CCBE1: variants seen among roughly 807,000 people sequenced by gnomAD.
CCBE1 encodes the protein collagen and calcium binding EGF domains 1.
CCBE1 carries 37 observed loss-of-function variants against 50.0 expected under a neutral mutation model. That is an observed-to-expected ratio of 0.74 (90% CI 0.57 to 0.97). CCBE1 has a LOEUF of 0.97. CCBE1 is among the 50% of genes least tolerant of loss of function. The pLI, the probability that CCBE1 is intolerant of heterozygous loss-of-function variation, is 0.00. For missense variants in CCBE1, 538 were observed against 523.8 expected (o/e 1.03, Z -0.26); for synonymous variants, 234 against 203.7 (o/e 1.15, Z -1.27).
intron 2 of CCBE1, among the ~76,000 whole-genome samples, chr18:59,516,793 C>T (rs1451822397): frequency 6.6e-6 from 1 of 152,190 alleles, no homozygotes; most frequent in African/African-American, 2.4e-5. Context: ...GCGGCCAGAA[C>T]ATCACAGCAA....
chr18:59,597,233 C>T (rs545466974), intron 2 of CCBE1, among the ~76,000 whole-genome samples: 2 of 152,330 alleles, frequency 1.3e-5, no homozygotes, highest in African/African-American at 2.4e-5. Context: ...AATGAAGTAC[C>T]TGTCTCATGA....
chr18:59,663,402 C>T (rs28663389), intron 2 of CCBE1, among the ~76,000 whole-genome samples: 9,358 of 152,136 alleles, frequency 0.062, 505 homozygotes, highest in African/African-American at 0.15. Context: ...TGAGACAGTG[C>T]CAGTGTTTGC....
intron 2 of CCBE1, among the ~76,000 whole-genome samples, chr18:59,526,440 G>A (rs1276631822): frequency 1.3e-5 from 2 of 151,336 alleles, no homozygotes; most frequent in African/African-American, 2.4e-5. Flanking sequence ...CTCCCAAGTA[G>A]CTGGGATTAC....
At chr18:59,465,617 A>G (rs1911704697) in intron 5 of CCBE1, 1 of 152,260 alleles carries the variant, frequency 6.6e-6, no homozygotes, top group South Asian at 2.1e-4. Flanking sequence ...AAATGCAAGC[A>G]TAAATTTTTG....
chr18:59,690,415 T>C (rs1354510872), intron 2 of CCBE1, among the ~76,000 whole-genome samples: 1 of 152,188 alleles, frequency 6.6e-6, no homozygotes, highest in Non-Finnish European at 1.5e-5. Context: ...TACTCAACAA[T>C]GCCTTAAATG....
chr18:59,536,155 A>G (rs1915239641), intron 2 of CCBE1, among the ~76,000 whole-genome samples: 1 of 152,348 alleles, frequency 6.6e-6, no homozygotes, highest in South Asian at 2.1e-4. Context: ...GTCTAGAGAG[A>G]TAGGAATCTC....
chr18:59,530,204 G>A (rs1443473720), intron 2 of CCBE1, among the ~76,000 whole-genome samples: 2 of 152,150 alleles, frequency 1.3e-5, no homozygotes, highest in African/African-American at 4.8e-5. Context: ...GAGGCACCAG[G>A]TGGCCAAAGA....
At chr18:59,602,398 T>G (rs2053444925) in intron 2 of CCBE1, among the ~76,000 whole-genome samples, 1 of 152,166 alleles carries the variant, frequency 6.6e-6, no homozygotes, top group Non-Finnish European at 1.5e-5. Flanking sequence ...TTCTATCAAT[T>G]CATTAGAATT....
chr18:59,632,180 C>A (rs1243946738), intron 2 of CCBE1, among the ~76,000 whole-genome samples: 1 of 152,170 alleles, frequency 6.6e-6, no homozygotes, highest in Non-Finnish European at 1.5e-5. Context: ...GATGAGGAAA[C>A]CAAGGCCCCC....
At chr18:59,469,327 T>C in intron 4 of CCBE1, 146 bp downstream of exon 4, 1 of 1,130,142 alleles carries the variant, frequency 8.8e-7, no homozygotes, top group Non-Finnish European at 1.3e-6. Flanking sequence ...GTAATTGTGA[T>C]GAAGGGCAGT....
At chr18:59,639,237 C>T (rs977852805) in intron 2 of CCBE1, among the ~76,000 whole-genome samples, 3 of 152,070 alleles carry the variant, frequency 2.0e-5, no homozygotes, top group Admixed American at 6.6e-5. Context: ...AACCCACACT[C>T]CAGCACAGGT....
At chr18:59,590,320 C>T (rs541317396) in intron 2 of CCBE1, among the ~76,000 whole-genome samples, 26 of 152,060 alleles carry the variant, frequency 1.7e-4, no homozygotes, top group African/African-American at 6.3e-4. Flanking sequence ...CAGAAAAAAG[C>T]TTAAGAAATT....
intron 2 of CCBE1, among the ~76,000 whole-genome samples, chr18:59,516,183 T>C (rs1914361576): frequency 6.6e-6 from 1 of 151,992 alleles, no homozygotes; most frequent in Non-Finnish European, 1.5e-5. Flanking sequence ...GGTCTCAAAC[T>C]CCTGACCTCA....
rs192775628 is a variant in CCBE1 at position 59,555,560 on chromosome 18, G to A, written c.213-75322C>T. 2.4e-3 allele frequency among the ~76,000 whole-genome samples: 369 copies of A among 152,280 alleles called. 2 individuals carry two copies. The highest frequency in any genetic ancestry group is 8.5e-3 in the African/African-American group (353 of 41,558). The stretch of plus-strand genomic sequence containing the variant: ...AGTTTCCTTAGAAAAAAATGGTTAT[G>A]GAGATATTATACAGTGGAAGTCTTC... On this transcript the variant is annotated intron_variant, in intron 2 of 10. Coordinates refer to ENST00000439986, the MANE Select transcript of CCBE1 (RefSeq NM_133459.4).
chr18:59,516,949 G>T (rs889765557), intron 2 of CCBE1, among the ~76,000 whole-genome samples: 1 of 152,172 alleles, frequency 6.6e-6, no homozygotes, highest in Non-Finnish European at 1.5e-5. Context: ...TCCAGTTCAG[G>T]TTATCTTAAA....
At chr18:59,650,524 G>A (rs772705120) in intron 2 of CCBE1, among the ~76,000 whole-genome samples, 4 of 151,632 alleles carry the variant, frequency 2.6e-5, no homozygotes, top group African/African-American at 7.3e-5. Flanking sequence ...CGGGATAATC[G>A]TTTCAGAGAA....
intron 2 of CCBE1, among the ~76,000 whole-genome samples, chr18:59,686,515 A>G (rs1260621697): frequency 6.6e-6 from 1 of 152,250 alleles, no homozygotes; most frequent in Non-Finnish European, 1.5e-5. Flanking sequence ...AAGCTAGAAC[A>G]GCTTCTGACA....
chr18:59,494,302 C>G (rs1470945914), intron 2 of CCBE1, among the ~76,000 whole-genome samples: 1 of 152,216 alleles, frequency 6.6e-6, no homozygotes. Flanking sequence ...TCCACTTTCT[C>G]TGTTGTGCAA....
intron 2 of CCBE1, among the ~76,000 whole-genome samples, chr18:59,500,880 T>C (rs990306673): frequency 2.0e-5 from 3 of 152,206 alleles, no homozygotes; most frequent in African/African-American, 7.2e-5. Flanking sequence ...GGAAGGGTTT[T>C]GCTACTGATG....
Sources: gnomAD v4.1 joint callset for allele counts (sites outside exome capture counted in the v4.1 genomes callset) on GRCh38, gnomAD v4.1.1 for gene constraint, MANE v1.5 for transcripts, NCBI Gene and HGNC (gene_info 2026-07-23, HGNC 2026-07-21) for gene names.